The following LUZP2 variants were observed in gnomAD, a reference collection of about 807,000 sequenced individuals.
LUZP2 encodes leucine zipper protein 2.
Under a neutral mutation model 51.6 loss-of-function variants are expected in LUZP2, and 52 were observed. That is an observed-to-expected ratio of 1.01 (90% CI 0.81 to 1.27). LUZP2 has a LOEUF of 1.27. Among genes scored for constraint, LUZP2 ranks in the 50% most tolerant of loss-of-function variants. The pLI, the probability that LUZP2 is intolerant of heterozygous loss-of-function variation, is 0.00. For synonymous variants in LUZP2, 154 were observed against 137.3 expected (o/e 1.12, Z -0.85); for missense variants, 436 against 395.4 (o/e 1.10, Z -0.87).
chr11:24,543,958 T>C lies in LUZP2; in HGVS notation c.62+46653T>C, dbSNP rs146799520. ...ACATCATTGAGCAGTTCGGTCATTG[T>C]GTAACTGGCTCAAGTCTGGCTGCTT... On this transcript the variant is annotated intron_variant, in intron 1 of 11. Transcript: ENST00000336930. 5.2e-4 allele frequency among the ~76,000 whole-genome samples: 79 copies of C among 152,136 alleles called. No individual in the cohort carries two copies. In the East Asian group the frequency reaches 0.015, roughly 29 times the overall value.
chr11:24,972,638 C>T (rs1475950400), intron 7 of LUZP2, among the ~76,000 whole-genome samples: 1 of 151,896 alleles, frequency 6.6e-6, no homozygotes, highest in African/African-American at 2.4e-5. Flanking sequence ...TGAAGGGATG[C>T]TGAGTTATAT....
chr11:24,967,034 T>G (rs1855604750), intron 7 of LUZP2, among the ~76,000 whole-genome samples: 1 of 151,738 alleles, frequency 6.6e-6, no homozygotes, highest in South Asian at 2.1e-4. Context: ...CAACTGACTA[T>G]ATATTTGGGT....
At chr11:24,703,845 A>T (rs1857489712) in intron 1 of LUZP2, among the ~76,000 whole-genome samples, 1 of 93,594 alleles carries the variant, frequency 1.1e-5, no homozygotes, top group African/African-American at 4.4e-5. Flanking sequence ...AAAAACAAAC[A>T]AACAAACAAA....
intron 7 of LUZP2, among the ~76,000 whole-genome samples, chr11:24,917,870 A>G (rs1853847249): frequency 6.6e-6 from 1 of 152,146 alleles, no homozygotes. Flanking sequence ...AATTCTGTGA[A>G]GAAAGTCATT....
chr11:24,988,059 A>G (rs1224380008), intron 9 of LUZP2, among the ~76,000 whole-genome samples: 1 of 151,982 alleles, frequency 6.6e-6, no homozygotes, highest in Admixed American at 6.6e-5. Flanking sequence ...GGACTCTAAG[A>G]AGTAAGCTTG....
At chr11:24,848,046 T>G (rs553675536) in intron 5 of LUZP2, among the ~76,000 whole-genome samples, 2 of 152,210 alleles carry the variant, frequency 1.3e-5, no homozygotes, top group African/African-American at 4.8e-5. Flanking sequence ...AGTCGGTAAT[T>G]TTAGTAGGAG....
At chr11:24,911,990 A>C (rs1192481582) in intron 6 of LUZP2, among the ~76,000 whole-genome samples, 1 of 152,168 alleles carries the variant, frequency 6.6e-6, no homozygotes, top group African/African-American at 2.4e-5. Flanking sequence ...AATGAAAACA[A>C]ATCAATTACC....
chr11:24,637,102 T>A (rs1020904645), intron 1 of LUZP2, among the ~76,000 whole-genome samples: 1 of 151,794 alleles, frequency 6.6e-6, no homozygotes, highest in African/African-American at 2.4e-5. Context: ...CTTAAAAATC[T>A]ATAAAACAAA....
rs552417555 is a variant in LUZP2 at position 25,017,180 on chromosome 11, G to A, written c.766-32858G>A. Among the ~76,000 whole-genome samples, 3 of 152,200 alleles carry A rather than the reference G, an allele frequency of 2.0e-5. No homozygotes were observed. In the East Asian group the frequency reaches 5.8e-4, roughly 29 times the overall value. ...TGTAGATTCTGGATATTAGTCCTATGACAGAGGCATAGTTTGCAAATATTT... is the reference window on the plus strand; with the variant it reads ...TGTAGATTCTGGATATTAGTCCTATAACAGAGGCATAGTTTGCAAATATTT... On this transcript the variant is annotated intron_variant, in intron 9 of 11. Coordinates refer to ENST00000336930, the MANE Select transcript of LUZP2 (RefSeq NM_001009909.4).
chr11:24,855,473 A>C (rs12278893), intron 5 of LUZP2, among the ~76,000 whole-genome samples: 23,073 of 152,204 alleles, frequency 0.15, 1,912 homozygotes, highest in African/African-American at 0.2. Context: ...TAGATTATGC[A>C]AACTAATGGA....
chr11:24,874,162 C>A (rs903541069), intron 5 of LUZP2, among the ~76,000 whole-genome samples: 4 of 152,104 alleles, frequency 2.6e-5, no homozygotes, highest in African/African-American at 7.2e-5. Context: ...GGTTTTTGGG[C>A]CACATGGCTA....
At chr11:24,693,350 C>G (rs1387288767) in intron 1 of LUZP2, among the ~76,000 whole-genome samples, 1 of 151,316 alleles carries the variant, frequency 6.6e-6, no homozygotes, top group Non-Finnish European at 1.5e-5. Flanking sequence ...ACAGGACTAT[C>G]TAAGAAATAA....
chr11:24,999,210 A>C (rs1447313599), intron 9 of LUZP2, among the ~76,000 whole-genome samples: 2 of 152,188 alleles, frequency 1.3e-5, no homozygotes, highest in Non-Finnish European at 2.9e-5. Flanking sequence ...GACTAATTAC[A>C]TTTAGTTCTT....
intron 10 of LUZP2, among the ~76,000 whole-genome samples, chr11:25,075,345 C>G (rs1859269295): frequency 6.6e-6 from 1 of 152,040 alleles, no homozygotes; most frequent in South Asian, 2.1e-4. Flanking sequence ...TTAGAAGAAC[C>G]AATTGTGTAT....
At chr11:24,503,265 A>G (rs1285801763) in intron 1 of LUZP2, among the ~76,000 whole-genome samples, 1 of 152,208 alleles carries the variant, frequency 6.6e-6, no homozygotes, top group Non-Finnish European at 1.5e-5. Flanking sequence ...GCTATAGATT[A>G]CTGTGTGAAT....
At chr11:24,641,634 A>T (rs1296160523) in intron 1 of LUZP2, among the ~76,000 whole-genome samples, 1 of 151,920 alleles carries the variant, frequency 6.6e-6, no homozygotes, top group Non-Finnish European at 1.5e-5. Flanking sequence ...CAACATTGAC[A>T]TATAAAAAGA....
In LUZP2 at chr11:24,979,527, C is replaced by T. The variant is rs375024987; in HGVS notation, c.597+2862C>T. Among the ~76,000 whole-genome samples, 18 of 151,778 alleles carry T rather than the reference C, an allele frequency of 1.2e-4. No homozygotes were observed. The South Asian group carries it at 3.5e-3, about 30-fold the overall frequency. ...TTTAAATAACCTTAAGTACTTCATA[C>T]GTATTATGAAAAACTCTTAACACTT... On this transcript the variant is annotated intron_variant, in intron 8 of 11. Transcript: ENST00000336930.
chr11:24,996,717 C>T (rs933799373), intron 9 of LUZP2, among the ~76,000 whole-genome samples: 2 of 151,602 alleles, frequency 1.3e-5, no homozygotes, highest in Non-Finnish European at 2.9e-5. Flanking sequence ...GTGCTGCACC[C>T]ATTAACTCGT....
chr11:24,921,342 G>A (rs1480977073), intron 7 of LUZP2, among the ~76,000 whole-genome samples: 1 of 152,128 alleles, frequency 6.6e-6, no homozygotes, highest in Non-Finnish European at 1.5e-5. Context: ...TGTCATTTAT[G>A]TAGCTTCCAG....
Sources: allele counts gnomAD v4.1 joint callset (sites outside exome capture counted in the v4.1 genomes callset), GRCh38; gene constraint gnomAD v4.1.1; transcripts MANE v1.5; gene names NCBI Gene and HGNC (gene_info 2026-07-23, HGNC 2026-07-21).